RANBP17: variants seen among roughly 807,000 people sequenced by gnomAD.
RANBP17 encodes the protein ran-binding protein 17.
In RANBP17, 158 loss-of-function variants were observed where a neutral mutation model predicts 141.2. The ratio of observed to expected loss-of-function variants is 1.12; its 90% confidence interval spans 0.98 to 1.28. The LOEUF is 1.28. RANBP17 is among the 50% of genes most tolerant of loss of function. The probability of loss-of-function intolerance (pLI) is 0.00; values close to 1 mark genes in which losing one functional copy is unlikely to be tolerated. For missense variants in RANBP17, 1,438 were observed against 1,290.7 expected (o/e 1.11, Z -1.75); for synonymous variants, 430 against 450.0 (o/e 0.96, Z 0.56).
At chr5:170,981,531 T>G (rs1561954667) in intron 14 of RANBP17, among the ~76,000 whole-genome samples, 1 of 151,778 alleles carries the variant, frequency 6.6e-6, no homozygotes, top group Non-Finnish European at 1.5e-5. Flanking sequence ...TGATGGTTAT[T>G]AAAAGGGGGA....
At chr5:171,171,143 C>T in intron 15 of RANBP17, 63 bp from the exon 16 acceptor site, 2 of 861,444 alleles carry the variant, frequency 2.3e-6, no homozygotes, top group Middle Eastern at 3.4e-4. Context: ...TATGTGTATT[C>T]TCTGGTTCTC....
intron 14 of RANBP17, among the ~76,000 whole-genome samples, chr5:171,104,448 G>C (rs1754626030): frequency 6.6e-6 from 1 of 152,190 alleles, no homozygotes; most frequent in Non-Finnish European, 1.5e-5. Context: ...TAGTTTTCAT[G>C]TAGAGGGTGA....
chr5:170,959,900 C>T (rs74291515), intron 13 of RANBP17, among the ~76,000 whole-genome samples: 2 of 152,132 alleles, frequency 1.3e-5, no homozygotes, highest in Admixed American at 6.6e-5. Context: ...ATGGCAGAGG[C>T]GCAAGAAAAT....
intron 12 of RANBP17, among the ~76,000 whole-genome samples, chr5:170,929,471 C>G (rs1330022351): frequency 6.6e-6 from 1 of 152,046 alleles, no homozygotes; most frequent in East Asian, 1.9e-4. Context: ...TTTTATGCAT[C>G]TATTCAAATG....
Position 171,213,732 on chromosome 5 carries a change from A to G in RANBP17, c.2333A>G (p.Gln778Arg). 2 of 1,608,406 alleles carry G rather than the reference A, an allele frequency of 1.2e-6. No homozygotes were observed. The highest frequency in any genetic ancestry group is 8.5e-7 in the Non-Finnish European group (1 of 1,174,884). ...PILKLMAELM[Q>R]NRSQRLNFDV... ...TTGAAACTTATGGCAGAACTTATGC[A>G]AAACAGGTAAGCAGTGTGACAGGCA... The change falls in exon 21 of 28, where the codon CAA becomes CGA. Residue 778 changes from glutamine (Q) to arginine (R), a missense_variant. Gln to Arg is a conservative substitution (Grantham distance 43, BLOSUM62 1). Transcript: ENST00000523189.
At chr5:171,220,744 G>A (rs1373122323) in intron 21 of RANBP17, among the ~76,000 whole-genome samples, 1 of 151,924 alleles carries the variant, frequency 6.6e-6, no homozygotes, top group Non-Finnish European at 1.5e-5. Flanking sequence ...CACCGCGCCT[G>A]GTCCAAATGA....
chr5:170,907,375 A>C (rs925570046), intron 5 of RANBP17, among the ~76,000 whole-genome samples: 2 of 151,958 alleles, frequency 1.3e-5, no homozygotes, highest in African/African-American at 4.8e-5. Context: ...CCTTTAATAT[A>C]ACTCTGGAAT....
intron 13 of RANBP17, among the ~76,000 whole-genome samples, chr5:170,959,174 A>G (rs1052359097): frequency 1.3e-5 from 2 of 151,952 alleles, no homozygotes; most frequent in Non-Finnish European, 2.9e-5. Flanking sequence ...GCTCTCACCT[A>G]CCCATCTCCC....
intron 14 of RANBP17, among the ~76,000 whole-genome samples, chr5:171,136,071 A>G (rs140711229): frequency 0.011 from 1,661 of 152,318 alleles, 32 homozygotes; most frequent in African/African-American, 0.037. Flanking sequence ...CTTTTCATGC[A>G]TTTATGTTCA....
At chr5:171,008,694 C>G (rs755215143) in intron 14 of RANBP17, among the ~76,000 whole-genome samples, 1 of 152,108 alleles carries the variant, frequency 6.6e-6, no homozygotes. Context: ...TCATCAGTTA[C>G]GGTGGGGCAA....
intron 14 of RANBP17, among the ~76,000 whole-genome samples, chr5:171,044,839 T>G (rs1353446837): frequency 1.3e-5 from 2 of 152,104 alleles, no homozygotes; most frequent in Admixed American, 6.5e-5. Flanking sequence ...CAAACTTAAT[T>G]AGTCTATCCT....
intron 25 of RANBP17, among the ~76,000 whole-genome samples, chr5:171,279,291 G>T (rs1287321625): frequency 6.6e-6 from 1 of 152,272 alleles, no homozygotes; most frequent in East Asian, 1.9e-4. Context: ...TCCATTATGT[G>T]CTATTATAGC....
At chr5:170,990,273 G>A (rs897651974) in intron 14 of RANBP17, among the ~76,000 whole-genome samples, 7 of 151,798 alleles carry the variant, frequency 4.6e-5, no homozygotes, top group African/African-American at 1.2e-4. Flanking sequence ...TGATTTCAGC[G>A]AAAGTTGTGG....
At chr5:171,080,003 A>C (rs1358826607) in intron 14 of RANBP17, among the ~76,000 whole-genome samples, 1 of 152,176 alleles carries the variant, frequency 6.6e-6, no homozygotes, top group Non-Finnish European at 1.5e-5. Flanking sequence ...AAAGGTCAAA[A>C]GAAACACTGA....
intron 16 of RANBP17, among the ~76,000 whole-genome samples, chr5:171,175,966 A>G (rs548742233): frequency 6.6e-6 from 1 of 152,278 alleles, no homozygotes; most frequent in East Asian, 1.9e-4. Context: ...CAAGACCTCA[A>G]CAGCAAAGCA....
intron 7 of RANBP17, among the ~76,000 whole-genome samples, chr5:170,912,815 T>A (rs1303428672): frequency 2.6e-5 from 4 of 151,872 alleles, no homozygotes; most frequent in Admixed American, 6.6e-5. Context: ...TACCCCAAAA[T>A]GTTCTGAGTT....
intron 14 of RANBP17, among the ~76,000 whole-genome samples, chr5:170,979,257 C>A (rs1777599823): frequency 6.6e-6 from 1 of 152,134 alleles, no homozygotes; most frequent in African/African-American, 2.4e-5. Context: ...TCTTAGTCTG[C>A]ATGGTGGGTG....
Position 170,906,408 on chromosome 5 carries a change from T to C in RANBP17, c.490-3253T>C, listed in dbSNP as rs143026100. On this transcript the variant is annotated intron_variant, in intron 5 of 27. Transcript: ENST00000523189. ...TCCTCATTATTAGATTCAGCTTATG[T>C]GAATTTGTCAGAAATATCACAGAAA... Among the ~76,000 whole-genome samples the C allele has an allele frequency of 3.8e-3, 581 of 152,122 alleles. 4 individuals are homozygous for C. Among genetic ancestry groups the C allele is most frequent in the African/African-American group, 0.013 (560 of 41,570 alleles).
chr5:171,228,013 A>G (rs561897753), intron 22 of RANBP17, among the ~76,000 whole-genome samples: 3 of 152,338 alleles, frequency 2.0e-5, no homozygotes, highest in African/African-American at 7.2e-5. Context: ...GGAGATGTAC[A>G]AGGAGATTAA....
Sources: gnomAD v4.1 joint callset for allele counts (sites outside exome capture counted in the v4.1 genomes callset) on GRCh38, gnomAD v4.1.1 for gene constraint, MANE v1.5 for transcripts, NCBI Gene and HGNC (gene_info 2026-07-23, HGNC 2026-07-21) for gene names.